ADCY9: variants seen among roughly 807,000 people sequenced by gnomAD.
ADCY9 encodes adenylate cyclase type 9.
ADCY9 carries 50 observed loss-of-function variants against 101.5 expected under a neutral mutation model. The ratio of observed to expected loss-of-function variants is 0.49; its 90% CI spans 0.39 to 0.62. ADCY9 has a LOEUF of 0.62. Among genes scored for constraint, ADCY9 ranks in the 20% least tolerant of loss-of-function variants. ADCY9 has a pLI of 0.00. For missense variants in ADCY9, 1,662 were observed against 1,800.4 expected (o/e 0.92, Z 1.39); for synonymous variants, 905 against 769.3 (o/e 1.18, Z -2.92).
chr16:3,956,361 AAC>A (rs769945696), intron 5 of ADCY9, among the ~76,000 whole-genome samples: 6 of 152,152 alleles, frequency 3.9e-5, no homozygotes, highest in African/African-American at 1.2e-4. Context: ...AAAACTACCT[AAC>A]ACAATAAAAA....
rs115367541 is a variant in ADCY9 at position 4,074,896 on chromosome 16, C to T, written c.1693+38854G>A. Reference sequence around the variant, plus strand: ...ACACTTTTAAGTACTACTTTATGGCCGGGTATAGTGGCTCACACCTGTAAT... The same window carrying T: ...ACACTTTTAAGTACTACTTTATGGCTGGGTATAGTGGCTCACACCTGTAAT... On this transcript the variant is annotated intron_variant, in intron 2 of 10. Transcript: ENST00000294016. 8.7e-3 allele frequency among the ~76,000 whole-genome samples: 1,324 copies of T among 152,006 alleles called. 18 individuals are homozygous for T. The highest frequency in any genetic ancestry group is 0.031 in the African/African-American group (1,279 of 41,454).
At position 3,992,927 on chromosome 16, in the gene ADCY9, C is replaced by G. The variant is rs1447537362; in HGVS notation, c.1989+479G>C. Among the ~76,000 whole-genome samples, 2 of 152,144 alleles carry G rather than the reference C, an allele frequency of 1.3e-5. No individual in the cohort carries two copies. The highest frequency in any genetic ancestry group is 1.3e-4 in the Admixed American group (2 of 15,274). On this transcript the variant is annotated intron_variant, in intron 4 of 10. Coordinates refer to ENST00000294016, the MANE Select transcript of ADCY9 (RefSeq NM_001116.4). This position sits in a 1 kb window ranked among gnomAD's most constrained non-coding sequence, Gnocchi z 4.2. ...GCCCCAGGTGAGTCGCCTGCATGAG[C>G]CCCCGCCGACAGGCTCTCGCGGGTG...
In ADCY9 at chr16:3,993,268, G is replaced by A. The variant is rs145100284; in HGVS notation, c.1989+138C>T. 71 of 1,441,088 alleles carry A rather than the reference G, an allele frequency of 4.9e-5. 1 individual carries two copies. The African/African-American group carries it at 9.5e-4, about 19-fold the overall frequency. 89.3% of individuals were successfully genotyped at this position (1,441,088 alleles called of 1,614,324 possible). A position where few individuals can be genotyped will look rare whatever the true frequency, so the allele number is the denominator to read the frequency against. ...CTCCCTGCCGGTCTCTTCAACACCC[G>A]GAGGACCCGCGGGTGCGGAGTGCTG... On this transcript the variant is annotated intron_variant, in intron 4 of 10. Transcript: ENST00000294016.
intron 2 of ADCY9, among the ~76,000 whole-genome samples, chr16:4,012,811 G>A (rs1024961462): frequency 6.6e-6 from 1 of 152,216 alleles, no homozygotes; most frequent in Non-Finnish European, 1.5e-5. Context: ...TATAGGAAGA[G>A]TGACTGACAA....
Position 3,975,160 on chromosome 16 carries a change from C to T in ADCY9, c.2829-450G>A, listed in dbSNP as rs527471372. Among the ~76,000 whole-genome samples, 327 of 152,174 alleles carry T rather than the reference C, an allele frequency of 2.1e-3. 3 individuals are homozygous for T. The highest frequency in any genetic ancestry group is 3.8e-3 in the Non-Finnish European group (260 of 68,020). The stretch of plus-strand genomic sequence containing the variant: ...ATGACTAAAGGCCACGGTGAATGCC[C>T]GATGAGGGACCTGTGATGGATTTAA... On this transcript the variant is annotated intron_variant, in intron 9 of 10. Coordinates refer to ENST00000294016, the MANE Select transcript of ADCY9 (RefSeq NM_001116.4).
At chr16:3,999,186 G>C (rs2056313102) in intron 3 of ADCY9, among the ~76,000 whole-genome samples, 1 of 152,088 alleles carries the variant, frequency 6.6e-6, no homozygotes, top group Admixed American at 6.6e-5. Context: ...CACTGCCTTG[G>C]GAGACAACCC....
At position 3,965,844 on chromosome 16, in the gene ADCY9, G is replaced by T. The variant is rs780861346; in HGVS notation, c.3993C>A (p.Asp1331Glu). 6.2e-7 allele frequency: 1 copy of T among 1,614,186 alleles called. No individual in the cohort carries two copies. The highest frequency in any genetic ancestry group is 1.7e-5 in the Admixed American group (1 of 60,024). Residue 1331 changes from aspartate (D) to glutamate (E), a missense_variant, in exon 11 of 11, where the codon GAC becomes GAA. By Grantham distance (45) the Asp-to-Glu change is conservative. This residue lies in a region of ADCY9 where 168 missense variants were observed against 155.3 expected (regional missense o/e 1.08). Coordinates refer to ENST00000294016, the MANE Select transcript of ADCY9 (RefSeq NM_001116.4). ...RGRFGKAIEK[D>E]DCDETGIEEA... ...CTTCTATTCCTGTTTCGTCACAGTC[G>T]TCTTTCTCTATGGCTTTGCCAAATC...
rs5815192 is a variant in ADCY9, at chr16:4,050,713, CAAAAAAA to C, written c.1694-43162_1694-43156del. Among the ~76,000 whole-genome samples the C allele has an allele frequency of 8.6e-5, 6 of 69,660 alleles. No individual in the cohort carries two copies. In the East Asian group the frequency reaches 1.6e-3, roughly 19 times the overall value. The allele number at this position is 69,660 out of a possible 152,430, so 45.7% of individuals were successfully genotyped here. ...TGGCAACAAGAGTGAAACTCCGTCT[CAAAAAAA>C]AAAAAAAAAAAAAAAAATTCCTAAC... On this transcript the variant is annotated intron_variant, in intron 2 of 10. Coordinates refer to ENST00000294016, the MANE Select transcript of ADCY9 (RefSeq NM_001116.4).
chr16:4,062,286 C>T (rs1052993058), intron 2 of ADCY9, among the ~76,000 whole-genome samples: 1 of 151,970 alleles, frequency 6.6e-6, no homozygotes, highest in Non-Finnish European at 1.5e-5. Context: ...AAACAGAACA[C>T]TAGAAAATAT....
intron 2 of ADCY9, among the ~76,000 whole-genome samples, chr16:4,013,630 G>A (rs761527815): frequency 6.6e-6 from 1 of 152,184 alleles, no homozygotes; most frequent in Non-Finnish European, 1.5e-5. Flanking sequence ...TTCCAAAAAC[G>A]TCTTTCACTT....
intron 6 of ADCY9, among the ~76,000 whole-genome samples, chr16:3,986,253 C>T (rs952923776): frequency 9.9e-5 from 15 of 152,214 alleles, no homozygotes; most frequent in African/African-American, 1.2e-4. Context: ...AACGCACCCA[C>T]GTGGAGCCCC....
intron 2 of ADCY9, among the ~76,000 whole-genome samples, chr16:4,061,464 G>A (rs2056773097): frequency 6.6e-6 from 1 of 152,094 alleles, no homozygotes; most frequent in Non-Finnish European, 1.5e-5. Context: ...TTGACTGCAT[G>A]AAGACAAAAT....
intron 2 of ADCY9, among the ~76,000 whole-genome samples, chr16:4,080,328 C>T (rs2056893691): frequency 6.6e-6 from 1 of 152,202 alleles, no homozygotes. Flanking sequence ...ACTGCAACCT[C>T]CATCTCCCAG....
chr16:4,032,511 A>ATTT (rs35449509), intron 2 of ADCY9, among the ~76,000 whole-genome samples: 5 of 140,512 alleles, frequency 3.6e-5, no homozygotes, highest in Non-Finnish European at 4.6e-5. Flanking sequence ...ATATCACACA[A>ATTT]TTTTTTTTTT....
At chr16:3,999,298 G>T (rs950534266) in intron 3 of ADCY9, among the ~76,000 whole-genome samples, 3 of 152,180 alleles carry the variant, frequency 2.0e-5, no homozygotes, top group Non-Finnish European at 4.4e-5. Flanking sequence ...TATGGGCCAA[G>T]ATCCTACCCG....
chr16:4,110,579 G>A (rs1458236862), intron 2 of ADCY9, among the ~76,000 whole-genome samples: 2 of 151,826 alleles, frequency 1.3e-5, no homozygotes, highest in Admixed American at 6.6e-5. Flanking sequence ...TAGTAGAGAC[G>A]GGGTTTCACT....
At chr16:3,978,994 C>G (rs530304118) in intron 8 of ADCY9, 122 bp downstream of exon 8, 2 of 1,280,660 alleles carry the variant, frequency 1.6e-6, no homozygotes, top group Non-Finnish European at 2.2e-6. Context: ...GGATTACAGG[C>G]GTGAGCCACC....
In ADCY9 at chr16:4,114,969, G is replaced by C; in HGVS notation, c.474C>G (p.Gly158=). Residue 158 remains glycine, a synonymous_variant, in exon 2 of 11, where the codon GGC becomes GGG. Transcript: ENST00000294016. This position sits in a 1 kb window ranked among gnomAD's most constrained non-coding sequence, Gnocchi z 4.3. ...GCTTGGTGAAGGTAAACAGAAAGAA[G>C]CCCACACACACCAGGAGGAAGCACA... ...PALCFLLVCV[G]FFLFTFTKLY... The C allele has an allele frequency of 6.2e-7, 1 of 1,614,024 alleles. No homozygotes were observed. Among genetic ancestry groups the C allele is most frequent in the Non-Finnish European group, 8.5e-7 (1 of 1,180,028 alleles).
At chr16:4,018,970 T>TGTGTGTGTGTGTGTGTGTGTGTGTGTG (rs1555509543) in intron 2 of ADCY9, among the ~76,000 whole-genome samples, 13 of 149,360 alleles carry the variant, frequency 8.7e-5, no homozygotes, top group African/African-American at 1.5e-4. Flanking sequence ...TGTGTGTGTG[T>TGTGTGTGTGTGTGTGTGTGTGTGTGTG]TTTGTTTTGT....
Sources: gnomAD v4.1 joint callset for allele counts (sites outside exome capture counted in the v4.1 genomes callset) on GRCh38, gnomAD v4.1.1 for gene constraint, gnomAD v4.1.1 regional missense constraint, Gnocchi (gnomAD v3.1) non-coding constraint, MANE v1.5 for transcripts, NCBI Gene and HGNC (gene_info 2026-07-23, HGNC 2026-07-21) for gene names.